The following ZNF101 variants were observed in gnomAD, a reference collection of about 807,000 sequenced individuals.
The protein encoded by ZNF101 is zinc finger protein 101 (Y2).
A neutral mutation model predicts 42.6 loss-of-function variants in ZNF101; 34 were observed. That is an observed-to-expected ratio of 0.80 (90% confidence interval 0.61 to 1.06). The LOEUF is 1.06. Among genes scored for constraint, ZNF101 ranks in the 50% least tolerant of loss-of-function variants. ZNF101 has a pLI of 0.00. For missense variants in ZNF101, 466 were observed against 530.9 expected, an observed-to-expected ratio of 0.88 and a Z score of 1.20; for synonymous variants, 158 against 183.9, an observed-to-expected ratio of 0.86 and a Z score of 1.14.
In ZNF101 at chr19:19,679,405, C is replaced by T. The variant is rs146451992; in HGVS notation, c.416C>T (p.Thr139Met). 41 of 1,613,776 alleles carry T rather than the reference C, an allele frequency of 2.5e-5. No homozygotes were observed. The highest frequency in any genetic ancestry group is 2.5e-4 in the Admixed American group (15 of 59,974). ...RSECGGEWRE[T>M]PRKQKQHGKA... Reference sequence around the variant, plus strand: ...GAGTGTGGTGGGGAATGGAGAGAGACGCCCCGTAAACAGAAACAACATGGG... The same window carrying T: ...GAGTGTGGTGGGGAATGGAGAGAGATGCCCCGTAAACAGAAACAACATGGG... The change falls in exon 4 of 4, where the codon ACG (threonine) becomes ATG (methionine). Residue 139 changes from threonine (T) to methionine (M), a missense_variant. Physicochemically the swap from Thr to Met is moderately conservative, Grantham distance 81. Transcript: ENST00000592502.
In ZNF101 at chr19:19,681,851, TAATC is replaced by T. The variant is rs1175352407; in HGVS notation, c.*1553_*1556del. The T allele has an allele frequency of 2.0e-5, 3 of 152,038 alleles. No homozygotes were observed. The highest frequency in any genetic ancestry group is 4.4e-5 in the Non-Finnish European group (3 of 67,998). 9.4% of individuals were successfully genotyped at this position (152,038 alleles called of 1,614,324 possible). A position where few individuals can be genotyped will look rare whatever the true frequency, so the allele number is the denominator to read the frequency against. On this transcript the variant is annotated 3_prime_UTR_variant, in exon 4 of 4. Transcript: ENST00000592502. ...AATTATTATATAATGCTCAAAAACT[TAATC>T]ATGAATGAGTTATTACACAAAGTTA...
intron 1 of ZNF101, among the ~76,000 whole-genome samples, chr19:19,669,967 C>G (rs529137455): frequency 6.6e-6 from 1 of 152,176 alleles, no homozygotes; most frequent in East Asian, 1.9e-4. Flanking sequence ...GCGCGGCCAC[C>G]TTATCAGACA....
At chr19:19,678,177 C>T (rs972356715) in intron 2 of ZNF101, among the ~76,000 whole-genome samples, 187 bp downstream of exon 2, 4 of 149,668 alleles carry the variant, frequency 2.7e-5, no homozygotes, top group African/African-American at 7.4e-5. Flanking sequence ...AGATTGCTTG[C>T]GTCCAGGAGT....
Position 19,680,359 on chromosome 19 carries a change from G to A in ZNF101, c.*59G>A, listed in dbSNP as rs2062233276. On this transcript the variant is annotated 3_prime_UTR_variant, in exon 4 of 4. Transcript: ENST00000592502. ...CGGCTGGGTACGGTGGCTCACGCTT[G>A]TAATCCCAGCACTTTGGGAGGCTGA... The A allele has an allele frequency of 2.0e-6, 2 of 981,498 alleles. No homozygotes were observed. The highest frequency in any genetic ancestry group is 2.1e-5 in the South Asian group (1 of 47,514). The allele number at this position is 981,498 out of a possible 1,614,324, so 60.8% of individuals were successfully genotyped here. A position where few individuals can be genotyped will look rare whatever the true frequency, so the allele number is the denominator to read the frequency against.
chr19:19,678,248 G>C (rs942547177), intron 2 of ZNF101, among the ~76,000 whole-genome samples: 2 of 151,450 alleles, frequency 1.3e-5, no homozygotes, highest in African/African-American at 2.4e-5. Flanking sequence ...AAAAAAAAGT[G>C]GGGGGTGGGC....
chr19:19,672,700 T>C (rs147316816), intron 1 of ZNF101, among the ~76,000 whole-genome samples: 2,922 of 152,132 alleles, frequency 0.019, 47 homozygotes, highest in South Asian at 0.046. Context: ...CAATTTTTTG[T>C]ATTTTTAGTA....
At position 19,678,158 on chromosome 19, in the gene ZNF101, A is replaced by T. The variant is rs537546464; in HGVS notation, c.130+168A>T. Among the ~76,000 whole-genome samples the T allele has an allele frequency of 5.9e-5, 9 of 151,548 alleles. 1 individual carries two copies. The highest frequency in any genetic ancestry group is 2.6e-4 in the Admixed American group (4 of 15,128). Reference sequence around the variant, plus strand: ...TGTAATCCTAGTGCTTTGGGAAGCCACGGTGGGAAGATTGCTTGCGTCCAG... The same window carrying T: ...TGTAATCCTAGTGCTTTGGGAAGCCTCGGTGGGAAGATTGCTTGCGTCCAG... On this transcript the variant is annotated intron_variant, in intron 2 of 3. Transcript: ENST00000592502.
At chr19:19,674,455 C>T (rs958033032) in intron 1 of ZNF101, among the ~76,000 whole-genome samples, 3 of 152,102 alleles carry the variant, frequency 2.0e-5, no homozygotes, top group African/African-American at 7.2e-5. Context: ...GGATTACAGG[C>T]GTGAGCCACC....
Position 19,677,935 on chromosome 19 carries a change from G to A in ZNF101, c.75G>A (p.Gln25=). 6.2e-7 allele frequency: 1 copy of A among 1,612,728 alleles called. No homozygotes were observed. The change falls in exon 2 of 4, where the codon CAG becomes CAA. Residue 25 remains glutamine (Q), a synonymous_variant. Coordinates refer to ENST00000592502, the MANE Select transcript of ZNF101 (RefSeq NM_033204.4). ...AGTGGGCTTTGCTGAGTCCTTCCCA[G>A]AAGAATCTCTACAGAGATGTGACGC... The part of the protein sequence containing the change: ...QEEWALLSPS[Q]KNLYRDVTLE...
At chr19:19,675,229 C>G (rs2062195124) in intron 1 of ZNF101, among the ~76,000 whole-genome samples, 1 of 152,084 alleles carries the variant, frequency 6.6e-6, no homozygotes, top group African/African-American at 2.4e-5. Flanking sequence ...CCTCCGCCTC[C>G]CGGGTTCATG....
At chr19:19,673,636 G>C (rs1026883948) in intron 1 of ZNF101, among the ~76,000 whole-genome samples, 1 of 143,458 alleles carries the variant, frequency 7.0e-6, no homozygotes, top group Admixed American at 7.0e-5. Context: ...TGTTTTTAGT[G>C]TACAAGTAGT....
chr19:19,670,280 G>A (rs926305346), intron 1 of ZNF101, among the ~76,000 whole-genome samples: 2 of 152,214 alleles, frequency 1.3e-5, no homozygotes, highest in African/African-American at 4.8e-5. Flanking sequence ...CCCTTCTGAG[G>A]CAGCTCAGGG....
At chr19:19,669,060 G>A (rs1432882621) in intron 1 of ZNF101, 94 bp downstream of exon 1, 17 of 1,490,374 alleles carry the variant, frequency 1.1e-5, no homozygotes, top group Non-Finnish European at 1.5e-5. Flanking sequence ...CGACTGTGGG[G>A]GTCTGGGACC....
chr19:19,673,264 T>G (rs2145047597), intron 1 of ZNF101, among the ~76,000 whole-genome samples: 1 of 149,884 alleles, frequency 6.7e-6, no homozygotes, highest in African/African-American at 2.5e-5. Flanking sequence ...TTTTTTTTTT[T>G]TTTGAATTGG....
intron 1 of ZNF101, among the ~76,000 whole-genome samples, chr19:19,675,870 G>A (rs893141768): frequency 2.0e-5 from 3 of 152,152 alleles, no homozygotes; most frequent in Admixed American, 2.0e-4. Flanking sequence ...TTAGCTGGGT[G>A]TGGTGGTGCC....
chr19:19,674,828 A>G (rs1478922284), intron 1 of ZNF101, among the ~76,000 whole-genome samples: 5 of 151,838 alleles, frequency 3.3e-5, no homozygotes, highest in African/African-American at 1.2e-4. Context: ...AATTATTATT[A>G]TTATTATTTT....
At chr19:19,670,080 C>T (rs2062159180) in intron 1 of ZNF101, among the ~76,000 whole-genome samples, 1 of 152,150 alleles carries the variant, frequency 6.6e-6, no homozygotes, top group Non-Finnish European at 1.5e-5. Context: ...CCAGGGACTT[C>T]TTCCAGCTGC....
chr19:19,675,396 C>T (rs2062196436), intron 1 of ZNF101, among the ~76,000 whole-genome samples: 1 of 152,054 alleles, frequency 6.6e-6, no homozygotes, highest in African/African-American at 2.4e-5. Context: ...CCTTGGCCTC[C>T]CAAAGTGCTG....
At chr19:19,673,248 C>CTTTTTTTTTT (rs34694853) in intron 1 of ZNF101, among the ~76,000 whole-genome samples, 1 of 116,138 alleles carries the variant, frequency 8.6e-6, no homozygotes, top group Non-Finnish European at 1.7e-5. Flanking sequence ...AATGTGCTGG[C>CTTTTTTTTTT]TTTTTTTTTT....
Sources: gnomAD v4.1 joint callset for allele counts (sites outside exome capture counted in the v4.1 genomes callset) on GRCh38, gnomAD v4.1.1 for gene constraint, MANE v1.5 for transcripts, NCBI Gene and HGNC (gene_info 2026-07-23, HGNC 2026-07-21) for gene names.